AP3S2: variants seen among roughly 807,000 people sequenced by gnomAD.
AP3S2 encodes the protein adaptor related protein complex 3 subunit sigma 2.
Under a neutral mutation model 23.4 loss-of-function variants are expected in AP3S2, and 22 were observed. The ratio of observed to expected loss-of-function variants is 0.94; its 90% CI spans 0.67 to 1.34. The LOEUF (loss-of-function observed/expected upper bound fraction) is 1.34. AP3S2 is among the 40% of genes most tolerant of loss of function. The probability of loss-of-function intolerance (pLI) is 0.00; values close to 1 mark genes in which losing one functional copy is unlikely to be tolerated. For missense variants in AP3S2, 241 were observed against 236.9 expected (o/e 1.02, Z -0.11); for synonymous variants, 86 against 87.1 (o/e 0.99, Z 0.07).
intron 4 of AP3S2, among the ~76,000 whole-genome samples, chr15:89,849,372 AT>A (rs958463709): frequency 8.0e-5 from 12 of 150,886 alleles, no homozygotes; most frequent in African/African-American, 2.7e-4. Flanking sequence ...AATGAATTGT[AT>A]TTTTTTTTCT....
chr15:89,860,242 C>T (rs1271171260), intron 4 of AP3S2, among the ~76,000 whole-genome samples: 1 of 152,148 alleles, frequency 6.6e-6, no homozygotes, highest in Non-Finnish European at 1.5e-5. Flanking sequence ...TACACACATA[C>T]CTAGGATAAA....
chr15:89,861,486 T>C (rs988679642), intron 4 of AP3S2, among the ~76,000 whole-genome samples: 1 of 152,152 alleles, frequency 6.6e-6, no homozygotes, highest in African/African-American at 2.4e-5. Flanking sequence ...TTCACCATAA[T>C]TAACACCAAC....
chr15:89,873,375 C>T (rs1050944250), intron 3 of AP3S2, among the ~76,000 whole-genome samples: 1 of 151,558 alleles, frequency 6.6e-6, no homozygotes, highest in African/African-American at 2.4e-5. Context: ...GCCTCTGCCT[C>T]CTGGGTTCAA....
chr15:89,844,269 TTC>T (rs796817436), intron 4 of AP3S2, among the ~76,000 whole-genome samples: 24 of 12,098 alleles, frequency 2.0e-3, no homozygotes, highest in African/African-American at 4.7e-3. Context: ...CTTTCTTTCT[TTC>T]TCTCTCTCTC....
chr15:89,878,450 T>C (rs1896494049), intron 3 of AP3S2: 1 of 473,302 alleles, frequency 2.1e-6, no homozygotes, highest in Admixed American at 4.2e-5. Flanking sequence ...ATCGTAGACA[T>C]TTCCAAATAC....
intron 4 of AP3S2, among the ~76,000 whole-genome samples, chr15:89,856,149 ACC>A (rs1347416449): frequency 1.3e-5 from 2 of 152,146 alleles, no homozygotes; most frequent in African/African-American, 4.8e-5. Context: ...TCCTGAGTGC[ACC>A]CAGAGGTTAT....
At position 89,847,936 on chromosome 15, in the gene AP3S2, C is replaced by G. The variant is rs189797409; in HGVS notation, c.346-10214G>C. 3.2e-3 allele frequency among the ~76,000 whole-genome samples: 485 copies of G among 152,308 alleles called. 4 individuals are homozygous for G. The highest frequency in any genetic ancestry group is 0.011 in the African/African-American group (451 of 41,564). On this transcript the variant is annotated intron_variant, in intron 4 of 5. Transcript: ENST00000336418. Reference sequence around the variant, plus strand: ...ACACCTAATATGAACAATACTGTTTCTATAATAAAATGCAGTTCTGTATTG... The same window carrying G: ...ACACCTAATATGAACAATACTGTTTGTATAATAAAATGCAGTTCTGTATTG...
Position 89,844,275 on chromosome 15 carries a change from CTCTCTCTCTT to C in AP3S2, c.346-6563_346-6554del, listed in dbSNP as rs1319543289. ...TCTTTCTTTCTTTCTTTCTTTCTCT[CTCTCTCTCTT>C]TCTTTCTTTACTTTTTTCTTTCCTT... On this transcript the variant is annotated intron_variant, in intron 4 of 5. Coordinates refer to ENST00000336418, the MANE Select transcript of AP3S2 (RefSeq NM_005829.5). Among the ~76,000 whole-genome samples, 127 of 52,950 alleles carry C rather than the reference CTCTCTCTCTT, an allele frequency of 2.4e-3. 4 individuals carry two copies. Among genetic ancestry groups the C allele is most frequent in the African/African-American group, 3.8e-3 (79 of 21,018 alleles). 34.7% of individuals were successfully genotyped at this position (52,950 alleles called of 152,430 possible).
At chr15:89,842,079 C>T (rs16943647) in intron 4 of AP3S2, among the ~76,000 whole-genome samples, 44,267 of 151,674 alleles carry the variant, frequency 0.29, 7,216 homozygotes, top group East Asian at 0.62. Context: ...AAGCTGCATA[C>T]TGGCAGAACT....
At chr15:89,875,060 CAGAT>C (rs1404656298) in intron 3 of AP3S2, among the ~76,000 whole-genome samples, 1 of 152,228 alleles carries the variant, frequency 6.6e-6, no homozygotes. Context: ...AAAGCAACGG[CAGAT>C]CCCCTGGGTG....
chr15:89,870,495 T>C (rs891706955), intron 4 of AP3S2, among the ~76,000 whole-genome samples: 1 of 152,202 alleles, frequency 6.6e-6, no homozygotes, highest in African/African-American at 2.4e-5. Flanking sequence ...TCCATTCTAA[T>C]GTCATCCAAA....
intron 4 of AP3S2, among the ~76,000 whole-genome samples, chr15:89,866,779 T>C (rs1329179260): frequency 6.6e-6 from 1 of 150,892 alleles, no homozygotes; most frequent in Non-Finnish European, 1.5e-5. Context: ...CTAGACAACA[T>C]CTATAAGCAG....
At chr15:89,867,145 G>A (rs1040312376) in intron 4 of AP3S2, among the ~76,000 whole-genome samples, 5 of 149,512 alleles carry the variant, frequency 3.3e-5, no homozygotes, top group African/African-American at 1.2e-4. Context: ...GCCTCAGCCT[G>A]CCGAGTGCCT....
chr15:89,876,926 T>G, intron 3 of AP3S2: 1 of 205,854 alleles, frequency 4.9e-6, no homozygotes, highest in Non-Finnish European at 1.0e-5. Context: ...AAGCAACAGC[T>G]TTGGCAGAGA....
chr15:89,870,472 G>T (rs1896292739), intron 4 of AP3S2, among the ~76,000 whole-genome samples: 1 of 152,132 alleles, frequency 6.6e-6, no homozygotes, highest in Non-Finnish European at 1.5e-5. Flanking sequence ...GATGGTGAGA[G>T]ACAAAACTTT....
intron 4 of AP3S2, among the ~76,000 whole-genome samples, chr15:89,858,489 A>AGAGAG (rs1567178678): frequency 6.9e-4 from 29 of 41,834 alleles, no homozygotes; most frequent in East Asian, 4.2e-3. Context: ...GAAAGAAAGA[A>AGAGAG]AGAAAGAGAG....
Position 89,835,301 on chromosome 15 carries a change from G to A in AP3S2, c.*214C>T, listed in dbSNP as rs972246175. On this transcript the variant is annotated 3_prime_UTR_variant, in exon 6 of 6. Coordinates refer to ENST00000336418, the MANE Select transcript of AP3S2 (RefSeq NM_005829.5). Reference sequence around the variant, plus strand: ...GCAGTGGCCGTATGCATCAGAGAACGGCATGACTGCACATGTGAGAACTGG... The same window carrying A: ...GCAGTGGCCGTATGCATCAGAGAACAGCATGACTGCACATGTGAGAACTGG... 1.1e-4 allele frequency: 81 copies of A among 741,676 alleles called. No individual in the cohort carries two copies. The highest frequency in any genetic ancestry group is 1.5e-4 in the Non-Finnish European group (74 of 479,024). 45.9% of individuals were successfully genotyped at this position (741,676 alleles called of 1,614,324 possible).
intron 3 of AP3S2, among the ~76,000 whole-genome samples, chr15:89,871,805 C>T (rs933513441): frequency 6.6e-6 from 1 of 152,050 alleles, no homozygotes; most frequent in Non-Finnish European, 1.5e-5. Context: ...GCTCTTTCCC[C>T]CTTTATAAGA....
At chr15:89,887,709 T>C (rs1422718436) in intron 3 of AP3S2, among the ~76,000 whole-genome samples, 13 of 147,030 alleles carry the variant, frequency 8.8e-5, no homozygotes, top group Middle Eastern at 3.9e-3. Context: ...CTCACTCTGT[T>C]GCCCAGGCTG....
Sources: gnomAD v4.1 joint callset for allele counts (sites outside exome capture counted in the v4.1 genomes callset) on GRCh38, gnomAD v4.1.1 for gene constraint, MANE v1.5 for transcripts, NCBI Gene and HGNC (gene_info 2026-07-23, HGNC 2026-07-21) for gene names.